RPRD2: variants seen among roughly 807,000 people sequenced by gnomAD.
The protein encoded by RPRD2 is regulation of nuclear pre-mRNA domain-containing protein 2.
Under a neutral mutation model 104.4 loss-of-function variants are expected in RPRD2, and 12 were observed. The observed-to-expected ratio is 0.11, with a 90% CI of 0.07 to 0.19. The LOEUF (loss-of-function observed/expected upper bound fraction) is 0.19, where lower values mean the gene tolerates loss of function less well. RPRD2 is among the 10% of genes least tolerant of loss of function. The pLI, the probability that RPRD2 is intolerant of heterozygous loss-of-function variation, is 1.00. For missense variants in RPRD2, 1,543 were observed against 1,790.1 expected (o/e 0.86, Z 2.49); for synonymous variants, 714 against 684.9 (o/e 1.04, Z -0.66).
At chr1:150,396,677 C>T (rs1208479687) in intron 1 of RPRD2, among the ~76,000 whole-genome samples, 2 of 152,094 alleles carry the variant, frequency 1.3e-5, no homozygotes, top group African/African-American at 2.4e-5. Flanking sequence ...TCATCCTTTA[C>T]AGAATTAGAA....
intron 2 of RPRD2, among the ~76,000 whole-genome samples, chr1:150,436,879 T>C (rs587756613): frequency 1.3e-3 from 124 of 92,444 alleles, no homozygotes; most frequent in African/African-American, 5.2e-3. Flanking sequence ...CACTCCAGCC[T>C]GGGCAACGAG....
chr1:150,384,543 C>T (rs587728488), intron 1 of RPRD2, among the ~76,000 whole-genome samples: 175 of 151,260 alleles, frequency 1.2e-3, no homozygotes, highest in African/African-American at 4.0e-3. Flanking sequence ...ACGATCTCTG[C>T]TCACTGCCAC....
intron 1 of RPRD2, among the ~76,000 whole-genome samples, chr1:150,383,685 A>G (rs1661328201): frequency 6.6e-6 from 1 of 152,160 alleles, no homozygotes; most frequent in South Asian, 2.1e-4. Context: ...AATAATAGAA[A>G]CAAGGAGTAT....
chr1:150,461,806 C>T (rs782441046), intron 9 of RPRD2, among the ~76,000 whole-genome samples: 1 of 151,792 alleles, frequency 6.6e-6, no homozygotes, highest in African/African-American at 2.4e-5. Context: ...TGGTAAAACC[C>T]CGTCTCTACT....
At chr1:150,424,154 A>C (rs1474695855) in intron 2 of RPRD2, among the ~76,000 whole-genome samples, 1 of 152,178 alleles carries the variant, frequency 6.6e-6, no homozygotes, top group African/African-American at 2.4e-5. Context: ...TGAAACACTA[A>C]CATGCCTTAC....
rs747817829 is a variant in RPRD2, at chr1:150,473,237, G to A, written c.4289G>A (p.Arg1430Lys). ...DFRPREPFLS[R>K]DPFHSLKRPR... Reference sequence around the variant, plus strand: ...CGGCCTAGGGAACCTTTTCTCAGCAGAGACCCATTTCACAGTTTAAAGAGA... The same window carrying A: ...CGGCCTAGGGAACCTTTTCTCAGCAAAGACCCATTTCACAGTTTAAAGAGA... Residue 1430 changes from arginine (R) to lysine (K), a missense_variant, in exon 11 of 11, where the codon AGA becomes AAA. By Grantham distance (26) the Arg-to-Lys change is conservative. This residue lies in a region of RPRD2 where 880 missense variants were observed against 885.6 expected (regional missense o/e 0.99). Coordinates refer to ENST00000369068, the MANE Select transcript of RPRD2 (RefSeq NM_015203.5). The A allele has an allele frequency of 3.1e-6, 5 of 1,613,840 alleles. No homozygotes were observed. Among genetic ancestry groups the A allele is most frequent in the Non-Finnish European group, 1.7e-6 (2 of 1,179,890 alleles).
intron 1 of RPRD2, among the ~76,000 whole-genome samples, chr1:150,396,895 A>C (rs1662573289): frequency 6.6e-6 from 1 of 152,036 alleles, no homozygotes; most frequent in Non-Finnish European, 1.5e-5. Context: ...CAAACGAGAC[A>C]CACTATGCTA....
intron 1 of RPRD2, among the ~76,000 whole-genome samples, chr1:150,383,306 G>GGTTT (rs1553881150): frequency 1.6e-5 from 2 of 126,738 alleles, no homozygotes; most frequent in African/African-American, 3.1e-5. Flanking sequence ...CAAATAAGAG[G>GGTTT]TTTTTTTTTT....
intron 10 of RPRD2, 111 bp from the exon 11 acceptor site, chr1:150,470,450 T>C: frequency 2.6e-6 from 3 of 1,132,232 alleles, no homozygotes; most frequent in East Asian, 2.5e-5. Context: ...CCTTACACTT[T>C]GTCTATCTGG....
chr1:150,417,937 C>CTTTCTTTCTTT (rs1553888921), intron 2 of RPRD2, among the ~76,000 whole-genome samples: 1 of 150,508 alleles, frequency 6.6e-6, no homozygotes, highest in African/African-American at 2.4e-5. Context: ...TTTCTTTCTT[C>CTTTCTTTCTTT]CTTTCCTTTC....
chr1:150,471,463 T>C lies in RPRD2; in HGVS notation c.2515T>C (p.Ser839Pro). The change falls in exon 11 of 11, where the codon TCA becomes CCA. Residue 839 changes from serine (S) to proline (P), a missense_variant. By Grantham distance (74) the Ser-to-Pro change is moderately conservative (BLOSUM62 -1). Transcript: ENST00000369068. This position sits in a 1 kb window ranked among gnomAD's most constrained non-coding sequence, Gnocchi z 5.3. ...TGAGGATTACCGAGATTTTGAGTAT[T>C]CAGGGCCTCCACCCTCTGCCATGAT... ...EDEDYRDFEY[S>P]GPPPSAMMNL... The C allele has an allele frequency of 6.2e-7, 1 of 1,613,898 alleles. No individual in the cohort carries two copies. The highest frequency in any genetic ancestry group is 8.5e-7 in the Non-Finnish European group (1 of 1,179,864).
chr1:150,392,350 C>T (rs1209205256), intron 1 of RPRD2, among the ~76,000 whole-genome samples: 1 of 152,042 alleles, frequency 6.6e-6, no homozygotes, highest in Non-Finnish European at 1.5e-5. Context: ...ACGAAAAATA[C>T]AAAAATTAGC....
intron 1 of RPRD2, among the ~76,000 whole-genome samples, chr1:150,397,418 T>C (rs1186598868): frequency 1.3e-5 from 2 of 152,182 alleles, no homozygotes; most frequent in African/African-American, 4.8e-5. Flanking sequence ...TATAATTGTG[T>C]AGCCACCACA....
chr1:150,411,181 G>A (rs1400866622), intron 1 of RPRD2, among the ~76,000 whole-genome samples: 2 of 152,030 alleles, frequency 1.3e-5, no homozygotes, highest in African/African-American at 2.4e-5. Flanking sequence ...AATTATAGGC[G>A]GGGCGCAGTG....
At chr1:150,457,214 AC>A in intron 7 of RPRD2, 73 bp from the exon 8 acceptor site, 1 of 1,425,852 alleles carries the variant, frequency 7.0e-7, no homozygotes, top group Non-Finnish European at 9.5e-7. Flanking sequence ...ACAAAGTGAG[AC>A]TCTGCCTCAA....
chr1:150,445,902 G>A (rs1666731234), intron 6 of RPRD2, among the ~76,000 whole-genome samples: 3 of 151,936 alleles, frequency 2.0e-5, no homozygotes, highest in East Asian at 3.9e-4. Context: ...CCCCATCTCC[G>A]CTAAAAATAC....
At chr1:150,443,523 A>G (rs1357854484) in intron 5 of RPRD2, among the ~76,000 whole-genome samples, 3 of 152,184 alleles carry the variant, frequency 2.0e-5, no homozygotes, top group African/African-American at 7.2e-5. Flanking sequence ...TGCATATTCA[A>G]TTTATGCCAG....
intron 6 of RPRD2, among the ~76,000 whole-genome samples, chr1:150,445,928 C>T (rs1384266049): frequency 1.3e-5 from 2 of 152,012 alleles, no homozygotes; most frequent in Admixed American, 6.6e-5. Flanking sequence ...ATTAGCTGGG[C>T]GTGGTGGCAG....
rs372665059 is a variant in RPRD2 at position 150,427,800 on chromosome 1, A to G, written c.335+10075A>G. Among the ~76,000 whole-genome samples, 5 of 152,280 alleles carry G rather than the reference A, an allele frequency of 3.3e-5. No individual in the cohort carries two copies. The South Asian group carries it at 1.0e-3, about 32-fold the overall frequency. ...GGTGACATAGCGAGTCTCTGTCCCA[A>G]ATATGAACTCTTTAGTAAAGGATTC... On this transcript the variant is annotated intron_variant, in intron 2 of 10. Transcript: ENST00000369068.
Sources: allele counts gnomAD v4.1 joint callset (sites outside exome capture counted in the v4.1 genomes callset), GRCh38; gene constraint gnomAD v4.1.1; regional missense constraint gnomAD v4.1.1; non-coding constraint Gnocchi (gnomAD v3.1); transcripts MANE v1.5; gene names NCBI Gene and HGNC (gene_info 2026-07-23, HGNC 2026-07-21).